ERC1: variants seen among roughly 807,000 people sequenced by gnomAD.
The protein encoded by ERC1 is ELKS/RAB6-interacting/CAST family member 1.
A neutral mutation model predicts 132.0 loss-of-function variants in ERC1; 56 were observed. The observed-to-expected ratio is 0.42, with a 90% CI of 0.34 to 0.53. The LOEUF (loss-of-function observed/expected upper bound fraction) is 0.53, where lower values mean the gene tolerates loss of function less well. ERC1 is among the 20% of genes least tolerant of loss of function. ERC1 has a pLI of 0.03. For missense variants in ERC1, 1,202 were observed against 1,349.9 expected (o/e 0.89, Z 1.72); for synonymous variants, 478 against 476.1 (o/e 1.00, Z -0.05).
At position 1,495,513 on chromosome 12, in the gene ERC1, A is replaced by G. The variant is rs2094350050; in HGVS notation, c.*5283A>G. ...AGTATTGCATCCATCTACTGCAGCT[A>G]CACATCCTGAGGGCAGCACCACCCA... On this transcript the variant is annotated 3_prime_UTR_variant, in exon 19 of 19. Coordinates refer to ENST00000360905, the MANE Select transcript of ERC1 (RefSeq NM_178040.4). 4.4e-6 allele frequency: 1 copy of G among 228,764 alleles called. No homozygotes were observed. Among genetic ancestry groups the G allele is most frequent in the Non-Finnish European group, 8.7e-6 (1 of 115,274 alleles). 14.2% of individuals were successfully genotyped at this position (228,764 alleles called of 1,614,324 possible).
chr12:1,158,436 T>C (rs1951589571), intron 8 of ERC1, among the ~76,000 whole-genome samples: 1 of 152,012 alleles, frequency 6.6e-6, no homozygotes, highest in Non-Finnish European at 1.5e-5. Context: ...TTGTTTTATT[T>C]ATTTTTTTTT....
chr12:1,253,695 T>C (rs1222061034), intron 13 of ERC1, among the ~76,000 whole-genome samples: 1 of 151,634 alleles, frequency 6.6e-6, no homozygotes, highest in African/African-American at 2.4e-5. Context: ...AAAAAGGCAG[T>C]GGAGGGTAGA....
At chr12:1,328,586 C>A (rs1172543375) in intron 15 of ERC1, among the ~76,000 whole-genome samples, 1 of 152,070 alleles carries the variant, frequency 6.6e-6, no homozygotes, top group Non-Finnish European at 1.5e-5. Context: ...TGTTGTACGC[C>A]ACGCCCATGT....
chr12:1,142,008 CT>C (rs1334426565), intron 8 of ERC1, among the ~76,000 whole-genome samples: 3 of 152,134 alleles, frequency 2.0e-5, no homozygotes, highest in Non-Finnish European at 4.4e-5. Flanking sequence ...TCCAGTAGTG[CT>C]TTTCATGCTG....
At chr12:1,339,917 G>A (rs2083669481) in intron 15 of ERC1, among the ~76,000 whole-genome samples, 1 of 152,196 alleles carries the variant, frequency 6.6e-6, no homozygotes, top group Admixed American at 6.5e-5. Context: ...AAGGGGAACA[G>A]GTGGTAGGGT....
At chr12:1,252,141 G>A (rs963409456) in intron 13 of ERC1, among the ~76,000 whole-genome samples, 9 of 152,110 alleles carry the variant, frequency 5.9e-5, no homozygotes, top group African/African-American at 1.7e-4. Context: ...TGTTAGGAAC[G>A]TTATAATTCT....
chr12:1,316,612 G>A (rs56085303), intron 15 of ERC1, among the ~76,000 whole-genome samples: 31,729 of 152,098 alleles, frequency 0.21, 3,853 homozygotes, highest in Non-Finnish European at 0.27. Flanking sequence ...TGGAAAAATA[G>A]GAACGCTTTT....
intron 12 of ERC1, among the ~76,000 whole-genome samples, chr12:1,232,854 C>T (rs1045343639): frequency 2.0e-5 from 3 of 150,648 alleles, no homozygotes; most frequent in South Asian, 2.1e-4. Flanking sequence ...TGGTTTACTT[C>T]GGTGATGTGT....
At chr12:1,155,716 C>T (rs1182182815) in intron 8 of ERC1, among the ~76,000 whole-genome samples, 1 of 152,164 alleles carries the variant, frequency 6.6e-6, no homozygotes, top group Non-Finnish European at 1.5e-5. Context: ...CGTGATCTGC[C>T]TGCCTCAGCC....
intron 1 of ERC1, among the ~76,000 whole-genome samples, chr12:1,002,947 G>A (rs1962696367): frequency 6.7e-6 from 1 of 149,112 alleles, no homozygotes; most frequent in African/African-American, 2.5e-5. Flanking sequence ...TCTGTGGCTT[G>A]CCATTTAAGA....
At chr12:1,278,496 A>C (rs2078439312) in intron 14 of ERC1, among the ~76,000 whole-genome samples, 1 of 152,196 alleles carries the variant, frequency 6.6e-6, no homozygotes. Flanking sequence ...AAAAATCTGG[A>C]AATAGTAGGG....
intron 15 of ERC1, among the ~76,000 whole-genome samples, chr12:1,358,295 CATA>C (rs2085738207): frequency 6.6e-6 from 1 of 150,850 alleles, no homozygotes; most frequent in Non-Finnish European, 1.5e-5. Flanking sequence ...GTCATCTCTG[CATA>C]ATATTTCTAA....
chr12:1,211,233 C>A (rs1957839569), intron 12 of ERC1, among the ~76,000 whole-genome samples: 2 of 152,056 alleles, frequency 1.3e-5, no homozygotes, highest in South Asian at 4.1e-4. Context: ...ACCGCAACCT[C>A]CGCCTCCTGT....
chr12:1,286,268 T>C (rs2079034015), intron 14 of ERC1, among the ~76,000 whole-genome samples: 1 of 127,950 alleles, frequency 7.8e-6, no homozygotes, highest in African/African-American at 3.0e-5. Flanking sequence ...CACTCCAGCC[T>C]GGGCAACAGG....
chr12:1,440,356 C>T (rs562803035), intron 17 of ERC1, among the ~76,000 whole-genome samples: 40 of 150,170 alleles, frequency 2.7e-4, no homozygotes, highest in Middle Eastern at 3.4e-3. Flanking sequence ...AGACGCCCGC[C>T]ACCACGCCCG....
chr12:1,241,180 A>G (rs1284238933), intron 13 of ERC1, among the ~76,000 whole-genome samples: 4 of 152,156 alleles, frequency 2.6e-5, no homozygotes, highest in South Asian at 2.1e-4. Context: ...TGTTTTCCCT[A>G]TAGCCACTTT....
chr12:1,172,274 A>G (rs1953148443), intron 8 of ERC1, among the ~76,000 whole-genome samples: 1 of 152,198 alleles, frequency 6.6e-6, no homozygotes, highest in Non-Finnish European at 1.5e-5. Context: ...GTTTGAGACC[A>G]GCCTGGGCAA....
At chr12:1,209,897 A>T (rs989452096) in intron 12 of ERC1, among the ~76,000 whole-genome samples, 1 of 152,210 alleles carries the variant, frequency 6.6e-6, no homozygotes, top group African/African-American at 2.4e-5. Flanking sequence ...CTTGTTATAA[A>T]AATCGACCTT....
chr12:1,393,880 G>C (rs1357269573), intron 16 of ERC1, among the ~76,000 whole-genome samples: 3 of 151,148 alleles, frequency 2.0e-5, no homozygotes, highest in Non-Finnish European at 4.4e-5. Context: ...GCCAAGTGTG[G>C]TGGCGGGCGC....
Sources: gnomAD v4.1 joint callset for allele counts (sites outside exome capture counted in the v4.1 genomes callset) on GRCh38, gnomAD v4.1.1 for gene constraint, MANE v1.5 for transcripts, NCBI Gene and HGNC (gene_info 2026-07-23, HGNC 2026-07-21) for gene names.